The following SPHKAP variants were observed in gnomAD, a reference collection of about 807,000 sequenced individuals.
SPHKAP encodes the protein SPHK1 interactor, AKAP domain containing.
SPHKAP carries 67 observed loss-of-function variants against 137.5 expected under a neutral mutation model. That is an observed-to-expected ratio of 0.49 (90% CI 0.40 to 0.60). SPHKAP has a LOEUF of 0.60. Among genes scored for constraint, SPHKAP ranks in the 20% least tolerant of loss-of-function variants. The pLI is 0.00. For synonymous variants in SPHKAP, 813 were observed against 785.3 expected, an observed-to-expected ratio of 1.04 and a Z score of -0.59; for missense variants, 2,097 against 2,069.3, an observed-to-expected ratio of 1.01 and a Z score of -0.26.
At chr2:228,170,668 T>C (rs929239593) in intron 1 of SPHKAP, among the ~76,000 whole-genome samples, 2 of 152,160 alleles carry the variant, frequency 1.3e-5, no homozygotes, top group African/African-American at 2.4e-5. Context: ...ATTATGGTTT[T>C]ACACATAATA....
chr2:228,181,520 G>T lies in SPHKAP; in HGVS notation c.32+47C>A, dbSNP rs770484597. On this transcript the variant is annotated intron_variant, in intron 1 of 11. Transcript: ENST00000392056. The surrounding 1 kb of genome is among the most constrained non-coding windows in gnomAD (Gnocchi z 4.3). ...TGGTGAGCGACTCACAACGCGGAAC[G>T]GAGTTTGATCGACATGGTATTGGGC... 1 of 1,614,064 alleles carries T rather than the reference G, an allele frequency of 6.2e-7. No homozygotes were observed.
At position 228,093,839 on chromosome 2, in the gene SPHKAP, G is replaced by A. The variant is rs1175983019; in HGVS notation, c.246+14993C>T. Reference sequence around the variant, plus strand: ...CACTCCATTGCACTCCAGCCTGGGCGACAGGGCAAGACTCCGTTTCAAAAA... The same window carrying A: ...CACTCCATTGCACTCCAGCCTGGGCAACAGGGCAAGACTCCGTTTCAAAAA... On this transcript the variant is annotated intron_variant, in intron 3 of 11. Transcript: ENST00000392056. 2.3e-5 allele frequency among the ~76,000 whole-genome samples: 3 copies of A among 132,082 alleles called. No individual in the cohort carries two copies. In the East Asian group the frequency reaches 6.7e-4, roughly 29 times the overall value. The allele number at this position is 132,082 out of a possible 152,430, so 86.7% of individuals were successfully genotyped here. A position where few individuals can be genotyped will look rare whatever the true frequency, so the allele number is the denominator to read the frequency against.
At position 228,021,742 on chromosome 2, in the gene SPHKAP, C is replaced by T. The variant is rs1559352818; in HGVS notation, c.666G>A (p.Glu222=). ...TAGATTCATCCACCTCGCTTTCCTCCTCCAAGTGCTCAGAAGCGGTGAGAA... is the reference window on the plus strand; with the variant it reads ...TAGATTCATCCACCTCGCTTTCCTCTTCCAAGTGCTCAGAAGCGGTGAGAA... ...EDFLTASEHL[E]EESEVDESRN... The change falls in exon 6 of 12, where the codon GAG becomes GAA. Residue 222 remains glutamate (E), a synonymous_variant. Transcript: ENST00000392056. 4 of 1,613,786 alleles carry T rather than the reference C, an allele frequency of 2.5e-6. No individual in the cohort carries two copies. The Admixed American group carries it at 5.0e-5, about 20-fold the overall frequency.
At chr2:228,120,301 T>C (rs893521717) in intron 2 of SPHKAP, among the ~76,000 whole-genome samples, 4 of 152,160 alleles carry the variant, frequency 2.6e-5, no homozygotes, top group African/African-American at 9.7e-5. Context: ...TCCTTATCTA[T>C]GAAATGCTTT....
intron 3 of SPHKAP, among the ~76,000 whole-genome samples, chr2:228,032,679 TTG>T (rs1695385857): frequency 1.3e-5 from 2 of 152,226 alleles, no homozygotes; most frequent in South Asian, 4.1e-4. Flanking sequence ...AGCTGATCTC[TTG>T]GCAGAAACTC....
intron 3 of SPHKAP, among the ~76,000 whole-genome samples, chr2:228,074,958 A>C (rs1697129762): frequency 6.6e-6 from 1 of 152,100 alleles, no homozygotes; most frequent in Admixed American, 6.5e-5. Context: ...TATAAAAAAG[A>C]AGGAAGAAGA....
At chr2:228,111,641 A>G (rs374037652) in intron 2 of SPHKAP, among the ~76,000 whole-genome samples, 16 of 152,136 alleles carry the variant, frequency 1.1e-4, no homozygotes, top group African/African-American at 3.9e-4. Context: ...AAATTTTCCT[A>G]TATGTATATT....
intron 3 of SPHKAP, among the ~76,000 whole-genome samples, chr2:228,062,588 T>G (rs957267600): frequency 6.6e-6 from 1 of 151,660 alleles, no homozygotes; most frequent in African/African-American, 2.4e-5. Flanking sequence ...CTCCATACCA[T>G]GTCTCTATTA....
intron 7 of SPHKAP, among the ~76,000 whole-genome samples, chr2:228,014,901 T>C (rs556386844): frequency 6.6e-6 from 1 of 152,314 alleles, no homozygotes. Flanking sequence ...TATTTTGTTT[T>C]CCTGTTTTTT....
Position 228,019,187 on chromosome 2 carries a change from G to T in SPHKAP, c.1667C>A (p.Ser556Tyr). 6.2e-7 allele frequency: 1 copy of T among 1,613,770 alleles called. No individual in the cohort carries two copies. Among genetic ancestry groups the T allele is most frequent in the Non-Finnish European group, 8.5e-7 (1 of 1,180,042 alleles). The change falls in exon 7 of 12, where the codon TCT becomes TAT. Residue 556 changes from serine (S) to tyrosine (Y), a missense_variant. Physicochemically the swap from Ser to Tyr is moderately radical, Grantham distance 144. Transcript: ENST00000392056. ...EPSINEYSFPSALCGMTQVAS... is the reference protein window; with the variant it reads ...EPSINEYSFPYALCGMTQVAS... ...CACCTGAGTCATGCCACACAAAGCAGATGGAAAGGAGTACTCATTGATGGA... is the reference window on the plus strand; with the variant it reads ...CACCTGAGTCATGCCACACAAAGCATATGGAAAGGAGTACTCATTGATGGA...
intron 1 of SPHKAP, among the ~76,000 whole-genome samples, chr2:228,144,069 GATCTGCAC>G: frequency 6.6e-6 from 1 of 152,108 alleles, no homozygotes. Flanking sequence ...CGTGCGTTGA[GATCTGCAC>G]ATCTCACTTC....
chr2:228,112,195 A>C (rs1431579272), intron 2 of SPHKAP, among the ~76,000 whole-genome samples: 2 of 152,008 alleles, frequency 1.3e-5, no homozygotes, highest in Non-Finnish European at 2.9e-5. Context: ...GCACTCATTA[A>C]CTCTGTGTCA....
chr2:228,118,594 G>A (rs926464516), intron 2 of SPHKAP, among the ~76,000 whole-genome samples: 3 of 151,426 alleles, frequency 2.0e-5, no homozygotes, highest in Admixed American at 6.6e-5. Context: ...ATTTCTTTGC[G>A]GTTTGTTTTA....
At chr2:228,012,419 C>T (rs778672377) in intron 7 of SPHKAP, among the ~76,000 whole-genome samples, 5 of 152,098 alleles carry the variant, frequency 3.3e-5, no homozygotes, top group Admixed American at 6.6e-5. Context: ...AAATGCAAGT[C>T]TTTCACTCTA....
chr2:228,126,794 C>T (rs1271337638), intron 2 of SPHKAP, among the ~76,000 whole-genome samples: 1 of 152,142 alleles, frequency 6.6e-6, no homozygotes, highest in Non-Finnish European at 1.5e-5. Flanking sequence ...TTCAGAGCTG[C>T]AGCTTCCAGG....
At chr2:228,114,084 G>A (rs2106354621) in intron 2 of SPHKAP, among the ~76,000 whole-genome samples, 1 of 152,200 alleles carries the variant, frequency 6.6e-6, no homozygotes. Flanking sequence ...TTCTGAGAAG[G>A]AAAAGAGAAA....
chr2:228,146,748 G>A (rs4399718), intron 1 of SPHKAP, among the ~76,000 whole-genome samples: 50,518 of 152,106 alleles, frequency 0.33, 8,773 homozygotes, highest in East Asian at 0.5. Flanking sequence ...CTTTGTTAAC[G>A]ACTGCATAAT....
chr2:228,051,140 T>C (rs1191656357), intron 3 of SPHKAP, among the ~76,000 whole-genome samples: 1 of 152,208 alleles, frequency 6.6e-6, no homozygotes, highest in African/African-American at 2.4e-5. Flanking sequence ...CTCAGAATTG[T>C]TATATCACAA....
intron 3 of SPHKAP, among the ~76,000 whole-genome samples, chr2:228,089,007 A>T (rs1283285369): frequency 6.6e-6 from 1 of 152,196 alleles, no homozygotes; most frequent in Non-Finnish European, 1.5e-5. Flanking sequence ...ATACCTAAAA[A>T]TGTGAAAGCA....
Sources: gnomAD v4.1 joint callset for allele counts (sites outside exome capture counted in the v4.1 genomes callset) on GRCh38, gnomAD v4.1.1 for gene constraint, Gnocchi (gnomAD v3.1) non-coding constraint, MANE v1.5 for transcripts, NCBI Gene and HGNC (gene_info 2026-07-23, HGNC 2026-07-21) for gene names.